The following RUNDC1 variants were observed in gnomAD, a reference collection of about 807,000 sequenced individuals.
RUNDC1 encodes the protein RUN domain-containing protein 1.
A neutral mutation model predicts 49.3 loss-of-function variants in RUNDC1; 31 were observed. The ratio of observed to expected loss-of-function variants is 0.63; its 90% CI spans 0.47 to 0.85. The LOEUF (loss-of-function observed/expected upper bound fraction) is 0.85. Among genes scored for constraint, RUNDC1 ranks in the 40% least tolerant of loss-of-function variants. RUNDC1 has a pLI of 0.00. For missense variants in RUNDC1, 715 were observed against 806.7 expected (o/e 0.89, Z 1.38); for synonymous variants, 347 against 348.6 (o/e 1.00, Z 0.05).
intron 1 of RUNDC1, chr17:42,981,418 C>A: frequency 3.7e-6 from 1 of 272,810 alleles, no homozygotes; most frequent in Non-Finnish European, 6.9e-6. Flanking sequence ...GTATCTCAGT[C>A]TTGAACACTT....
chr17:42,983,211 C>T (rs2050126653), intron 1 of RUNDC1, among the ~76,000 whole-genome samples: 2 of 47,138 alleles, frequency 4.2e-5, no homozygotes, highest in African/African-American at 7.7e-5. Context: ...AACATTGTAC[C>T]ACCTTAAAAA....
At position 42,991,493 on chromosome 17, in the gene RUNDC1, C is replaced by A. The variant is rs369376117; in HGVS notation, c.1619C>A (p.Ala540Asp). The change falls in exon 5 of 5, where the codon GCC becomes GAC. Residue 540 changes from alanine (A) to aspartate (D), a missense_variant. By Grantham distance (126) the Ala-to-Asp change is moderately radical. Around this residue, in one of 5 missense-constraint regions of RUNDC1, gnomAD observed 425 missense variants for 499.7 expected, o/e 0.85. Transcript: ENST00000361677. ...CGCAGTGCAGACTCAGAATTGAAGG[C>A]CTTGGTGTGCATGGCACTGAATGAG... ...FKRSADSELK[A>D]LVCMALNEQR... 4 of 1,614,020 alleles carry A rather than the reference C, an allele frequency of 2.5e-6. No homozygotes were observed. The highest frequency in any genetic ancestry group is 2.5e-6 in the Non-Finnish European group (3 of 1,180,034).
At position 42,991,269 on chromosome 17, in the gene RUNDC1, G is replaced by A. The variant is rs1250478162; in HGVS notation, c.1395G>A (p.Ser465=). Reference sequence around the variant, plus strand: ...CTTGTTTGCTGCCAGCCTTCTCCTCGGCCCCAGAGGCCATGCACCCGTGGG... The same window carrying A: ...CTTGTTTGCTGCCAGCCTTCTCCTCAGCCCCAGAGGCCATGCACCCGTGGG... ...PIACLLPAFS[S]APEAMHPWEL... Residue 465 remains serine, a synonymous_variant, in exon 5 of 5, where the codon TCG becomes TCA. Transcript: ENST00000361677. 40 of 1,614,082 alleles carry A rather than the reference G, an allele frequency of 2.5e-5. No homozygotes were observed. The highest frequency in any genetic ancestry group is 1.6e-4 in the Middle Eastern group (1 of 6,062).
At position 42,991,571 on chromosome 17, in the gene RUNDC1, A is replaced by G. The variant is rs147605440; in HGVS notation, c.1697A>G (p.Glu566Gly). The G allele has an allele frequency of 5.0e-5, 80 of 1,613,990 alleles. No homozygotes were observed. Among genetic ancestry groups the G allele is most frequent in the African/African-American group, 8.0e-5 (6 of 74,888 alleles). The part of the protein sequence containing the change: ...NLICKSGSLI[E>G]PHYQPWSYMA... ...ATCTGCAAGTCCGGGTCACTCATCGAGCCTCACTACCAGCCCTGGAGCTAC... is the reference window on the plus strand; with the variant it reads ...ATCTGCAAGTCCGGGTCACTCATCGGGCCTCACTACCAGCCCTGGAGCTAC... Residue 566 changes from glutamate (E) to glycine (G), a missense_variant, in exon 5 of 5, where the codon GAG (glutamate) becomes GGG (glycine). Around this residue, in one of 5 missense-constraint regions of RUNDC1, gnomAD observed 425 missense variants for 499.7 expected, o/e 0.85. Coordinates refer to ENST00000361677, the MANE Select transcript of RUNDC1 (RefSeq NM_173079.5).
rs745776650 is a variant in RUNDC1 at position 42,992,072 on chromosome 17, G to A, written c.*356G>A. ...TACTAAAAATACAAAAAAATTAGTC[G>A]GACATGGTGGCAGGCACCTGTAGTC... is the stretch of plus-strand genomic sequence containing the variant. On this transcript the variant is annotated 3_prime_UTR_variant, in exon 5 of 5. Transcript: ENST00000361677. 1.4e-4 allele frequency: 29 copies of A among 201,700 alleles called. No individual in the cohort carries two copies. Among genetic ancestry groups the A allele is most frequent in the Admixed American group, 9.1e-4 (17 of 18,754 alleles). The allele number at this position is 201,700 out of a possible 1,614,324, so 12.5% of individuals were successfully genotyped here.
At position 42,991,451 on chromosome 17, in the gene RUNDC1, A is replaced by G. The variant is rs768120712; in HGVS notation, c.1577A>G (p.Glu526Gly). The G allele has an allele frequency of 1.2e-6, 2 of 1,614,098 alleles. No homozygotes were observed. The highest frequency in any genetic ancestry group is 1.7e-6 in the Non-Finnish European group (2 of 1,180,044). Residue 526 changes from glutamate to glycine, a missense_variant, in exon 5 of 5, where the codon GAG (glutamate) becomes GGG (glycine). Transcript: ENST00000361677. The part of the protein sequence containing the change: ...LLTAIHMVLT[E>G]HDPFKRSADS... ...ACAGCCATCCACATGGTGCTGACAGAGCATGACCCTTTTAAGCGCAGTGCA... is the reference window on the plus strand; with the variant it reads ...ACAGCCATCCACATGGTGCTGACAGGGCATGACCCTTTTAAGCGCAGTGCA...
intron 1 of RUNDC1, chr17:42,981,825 T>G (rs984427608): frequency 6.6e-6 from 1 of 152,112 alleles, no homozygotes; most frequent in Non-Finnish European, 1.5e-5. Context: ...TTAGGCATTC[T>G]GAATGAGGTC....
Position 42,990,915 on chromosome 17 carries a change from C to A in RUNDC1, c.1041C>A (p.Ala347=). ...TGCACCTGATGCGGCGAGCGCTGGC[C>A]GTGCTCCAGATCTTTGCTGTTAGCC... ...TGLHLMRRAL[A]VLQIFAVSQF... is the part of the protein sequence containing the mutation. Residue 347 remains alanine (A), a synonymous_variant, in exon 5 of 5, where the codon GCC becomes GCA. Transcript: ENST00000361677. The A allele has an allele frequency of 6.2e-7, 1 of 1,611,666 alleles. No homozygotes were observed. Among genetic ancestry groups the A allele is most frequent in the Non-Finnish European group, 8.5e-7 (1 of 1,178,146 alleles).
At position 42,991,120 on chromosome 17, in the gene RUNDC1, C is replaced by T; in HGVS notation, c.1246C>T (p.Leu416=). 2 of 1,614,236 alleles carry T rather than the reference C, an allele frequency of 1.2e-6. No homozygotes were observed. The highest frequency in any genetic ancestry group is 1.7e-6 in the Non-Finnish European group (2 of 1,180,032). ...CTCTGCCAACCTCCAGGACCTCTCT[C>T]TGGGAGGCAAGGATGAGCTGACTAT... ...ITSANLQDLS[L]GGKDELTMAV... is the part of the protein sequence containing the mutation. The change falls in exon 5 of 5, where the codon CTG becomes TTG. Residue 416 remains leucine (L), a synonymous_variant. Coordinates refer to ENST00000361677, the MANE Select transcript of RUNDC1 (RefSeq NM_173079.5).
rs1238862790 is a variant in RUNDC1 at position 42,992,817 on chromosome 17, G to A, written c.*1101G>A. Reference sequence around the variant, plus strand: ...GGTAACCACAGGTCGATTTTAATACGAGTCCTTTTTCTTGTAGAGGTAAGT... The same window carrying A: ...GGTAACCACAGGTCGATTTTAATACAAGTCCTTTTTCTTGTAGAGGTAAGT... On this transcript the variant is annotated 3_prime_UTR_variant, in exon 5 of 5. Coordinates refer to ENST00000361677, the MANE Select transcript of RUNDC1 (RefSeq NM_173079.5). 7 of 152,118 alleles carry A rather than the reference G, an allele frequency of 4.6e-5. No individual in the cohort carries two copies. Among genetic ancestry groups the A allele is most frequent in the Non-Finnish European group, 1.0e-4 (7 of 68,038 alleles). The allele number at this position is 152,118 out of a possible 1,614,324, so 9.4% of individuals were successfully genotyped here. A position where few individuals can be genotyped will look rare whatever the true frequency, so the allele number is the denominator to read the frequency against.
chr17:42,984,844 A>T (rs553429653), intron 1 of RUNDC1, among the ~76,000 whole-genome samples: 2 of 144,988 alleles, frequency 1.4e-5, no homozygotes, highest in South Asian at 4.4e-4. Flanking sequence ...CTCAGAGTTC[A>T]TTATTTGGAA....
At chr17:42,982,415 G>A (rs2050112023) in intron 1 of RUNDC1, among the ~76,000 whole-genome samples, 2 of 152,224 alleles carry the variant, frequency 1.3e-5, no homozygotes, top group South Asian at 4.1e-4. Flanking sequence ...TGTTTCCAGT[G>A]CAATCCTGTG....
chr17:42,989,718 G>A (rs569533640), intron 3 of RUNDC1, among the ~76,000 whole-genome samples, 179 bp downstream of exon 3: 4 of 152,090 alleles, frequency 2.6e-5, no homozygotes, highest in Admixed American at 6.6e-5. Context: ...TACTGCAACC[G>A]CCGCCTCCCA....
At chr17:42,983,831 C>T (rs2050134972) in intron 1 of RUNDC1, among the ~76,000 whole-genome samples, 1 of 151,846 alleles carries the variant, frequency 6.6e-6, no homozygotes, top group Non-Finnish European at 1.5e-5. Flanking sequence ...GTCACCACGC[C>T]TGGCTAATTT....
chr17:42,982,537 A>G (rs1272689378), intron 1 of RUNDC1, among the ~76,000 whole-genome samples: 1 of 152,172 alleles, frequency 6.6e-6, no homozygotes, highest in South Asian at 2.1e-4. Context: ...AAGGTTCTAC[A>G]TGATAGGAAA....
rs1241179847 is a variant in RUNDC1 at position 42,991,495 on chromosome 17, T to G, written c.1621T>G (p.Leu541Val). The change falls in exon 5 of 5, where the codon TTG (leucine) becomes GTG (valine). Residue 541 changes from leucine to valine, a missense_variant. By Grantham distance (32) the Leu-to-Val change is conservative. Transcript: ENST00000361677. ...KRSADSELKA[L>V]VCMALNEQRL... The stretch of plus-strand genomic sequence containing the variant: ...CAGTGCAGACTCAGAATTGAAGGCC[T>G]TGGTGTGCATGGCACTGAATGAGCA... 2.5e-6 allele frequency: 4 copies of G among 1,614,138 alleles called. No individual in the cohort carries two copies. Among genetic ancestry groups the G allele is most frequent in the East Asian group, 2.2e-5 (1 of 44,884 alleles).
intron 1 of RUNDC1, among the ~76,000 whole-genome samples, chr17:42,984,285 T>G (rs999955154): frequency 1.3e-4 from 20 of 150,634 alleles, no homozygotes; most frequent in Admixed American, 2.6e-4. Context: ...CCCCAGTTTT[T>G]TTTTTTTTTT....
In RUNDC1 at chr17:42,992,463, G is replaced by A. The variant is rs1567734132; in HGVS notation, c.*747G>A. The A allele has an allele frequency of 6.6e-6, 1 of 151,550 alleles. No homozygotes were observed. The highest frequency in any genetic ancestry group is 1.9e-4 in the East Asian group (1 of 5,154). 9.4% of individuals were successfully genotyped at this position (151,550 alleles called of 1,614,324 possible). A position where few individuals can be genotyped will look rare whatever the true frequency, so the allele number is the denominator to read the frequency against. On this transcript the variant is annotated 3_prime_UTR_variant, in exon 5 of 5. Coordinates refer to ENST00000361677, the MANE Select transcript of RUNDC1 (RefSeq NM_173079.5). ...GCATGCCTGTAATCCCAGCTACTCA[G>A]GAGGCTGAGGCCGGAGAATCGCTTG...
intron 1 of RUNDC1, among the ~76,000 whole-genome samples, chr17:42,986,633 G>A (rs1259548409): frequency 2.0e-5 from 3 of 152,054 alleles, no homozygotes; most frequent in Non-Finnish European, 4.4e-5. Context: ...AAGTAGCTGG[G>A]ACTACAGGCG....
Sources: gnomAD v4.1 joint callset for allele counts (sites outside exome capture counted in the v4.1 genomes callset) on GRCh38, gnomAD v4.1.1 for gene constraint, gnomAD v4.1.1 regional missense constraint, MANE v1.5 for transcripts, NCBI Gene and HGNC (gene_info 2026-07-23, HGNC 2026-07-21) for gene names.